The following SLC35D4 variants were observed in gnomAD, a reference collection of about 807,000 sequenced individuals.
SLC35D4 encodes the protein solute carrier family 35 member D4.
At chr18:23,400,404 A>T in the SLC35D4 span, among the ~76,000 whole-genome samples, 1 of 152,158 alleles carries the variant, frequency 6.6e-6, no homozygotes, top group Non-Finnish European at 1.5e-5. Flanking sequence ...CAGGTGGATC[A>T]GTTGAGGTCA....
At chr18:23,359,022 C>A in the SLC35D4 span, among the ~76,000 whole-genome samples, 1 of 152,178 alleles carries the variant, frequency 6.6e-6, no homozygotes, top group South Asian at 2.1e-4. Flanking sequence ...CAGGAGTCTG[C>A]TGCAAAACAA....
the SLC35D4 span, among the ~76,000 whole-genome samples, chr18:23,318,053 T>C: frequency 1.3e-5 from 2 of 152,214 alleles, no homozygotes; most frequent in South Asian, 2.1e-4. Flanking sequence ...TGTTTCATTA[T>C]AGAAAATTTT....
At chr18:23,315,909 A>C in the SLC35D4 span, among the ~76,000 whole-genome samples, 2 of 152,234 alleles carry the variant, frequency 1.3e-5, no homozygotes, top group African/African-American at 4.8e-5. Flanking sequence ...TATTGGAGGA[A>C]GGTATGGGAA....
chr18:23,409,728 C>T, the SLC35D4 span, among the ~76,000 whole-genome samples: 21 of 152,056 alleles, frequency 1.4e-4, no homozygotes, highest in Middle Eastern at 3.4e-3. Flanking sequence ...CTTGTAGTCC[C>T]GGCTACTTGG....
At chr18:23,393,868 C>T in the SLC35D4 span, among the ~76,000 whole-genome samples, 1 of 152,178 alleles carries the variant, frequency 6.6e-6, no homozygotes, top group African/African-American at 2.4e-5. Flanking sequence ...ATCCACCTGC[C>T]TTGGCCTCCC....
At chr18:23,394,079 G>A in the SLC35D4 span, among the ~76,000 whole-genome samples, 1 of 152,202 alleles carries the variant, frequency 6.6e-6, no homozygotes, top group South Asian at 2.1e-4. Flanking sequence ...ATCCAAAAGT[G>A]GAACTGCTGA....
the SLC35D4 span, among the ~76,000 whole-genome samples, chr18:23,417,001 G>A: frequency 1.3e-5 from 2 of 152,148 alleles, no homozygotes; most frequent in Admixed American, 1.3e-4. Flanking sequence ...CAGCACTTTG[G>A]GAGGCTGAGA....
chr18:23,251,561 T>G, the SLC35D4 span, among the ~76,000 whole-genome samples: 1 of 152,058 alleles, frequency 6.6e-6, no homozygotes, highest in African/African-American at 2.4e-5. Flanking sequence ...AGAAAAAAAT[T>G]GTTTAATTCA....
At chr18:23,328,083 C>A in the SLC35D4 span, among the ~76,000 whole-genome samples, 1 of 152,162 alleles carries the variant, frequency 6.6e-6, no homozygotes, top group Non-Finnish European at 1.5e-5. Context: ...TATGACAAAC[C>A]TACAGCCAAT....
chr18:23,350,813 G>A, the SLC35D4 span, among the ~76,000 whole-genome samples: 42 of 152,292 alleles, frequency 2.8e-4, no homozygotes, highest in Non-Finnish European at 8.8e-5. Context: ...GCCTGCTCTG[G>A]TTGAACTATC....
the SLC35D4 span, among the ~76,000 whole-genome samples, chr18:23,386,288 G>A: frequency 6.6e-6 from 1 of 152,104 alleles, no homozygotes; most frequent in African/African-American, 2.4e-5. Flanking sequence ...GGATTATTGG[G>A]TGGGCCCTAA....
chr18:23,337,156 A>G, the SLC35D4 span, among the ~76,000 whole-genome samples: 9 of 149,838 alleles, frequency 6.0e-5, no homozygotes, highest in African/African-American at 2.0e-4. Flanking sequence ...AATGTATCTC[A>G]AAAAATTAGT....
chr18:23,246,866 T>C, the SLC35D4 span, among the ~76,000 whole-genome samples: 10 of 152,252 alleles, frequency 6.6e-5, no homozygotes, highest in South Asian at 1.9e-3. Flanking sequence ...CTAATTTTTG[T>C]ATTTTTAGTA....
the SLC35D4 span, among the ~76,000 whole-genome samples, chr18:23,382,792 C>A: frequency 3.9e-5 from 6 of 152,208 alleles, no homozygotes; most frequent in East Asian, 7.7e-4. Context: ...CAGCTTTGGC[C>A]GTGGGACTGC....
At chr18:23,386,675 G>A in the SLC35D4 span, among the ~76,000 whole-genome samples, 18,333 of 143,106 alleles carry the variant, frequency 0.13, 1,237 homozygotes, top group Middle Eastern at 0.22. Flanking sequence ...GAAATATTTA[G>A]GAGACTGAAC....
the SLC35D4 span, among the ~76,000 whole-genome samples, chr18:23,264,949 C>CT: frequency 1.3e-5 from 2 of 152,186 alleles, no homozygotes; most frequent in African/African-American, 4.8e-5. Flanking sequence ...CCGGCCTACA[C>CT]TTTTAAATAA....
the SLC35D4 span, among the ~76,000 whole-genome samples, chr18:23,249,560 T>C: frequency 0.021 from 3,160 of 152,330 alleles, 112 homozygotes; most frequent in African/African-American, 0.073. Flanking sequence ...CTGCGTCTCC[T>C]GCTTTGTGCT....
the SLC35D4 span, among the ~76,000 whole-genome samples, chr18:23,360,320 TAAG>T: frequency 1.3e-5 from 2 of 152,084 alleles, no homozygotes; most frequent in African/African-American, 4.8e-5. Context: ...CGTGAAAACA[TAAG>T]TCACAAAAAG....
the SLC35D4 span, among the ~76,000 whole-genome samples, chr18:23,382,861 G>A: frequency 1.3e-5 from 2 of 152,196 alleles, no homozygotes; most frequent in Non-Finnish European, 2.9e-5. Context: ...CCTGCCTAAG[G>A]GCTCAGGGGA....
Sources: allele counts gnomAD v4.1 joint callset (sites outside exome capture counted in the v4.1 genomes callset), GRCh38; gene constraint gnomAD v4.1.1; transcripts MANE v1.5; gene names NCBI Gene and HGNC (gene_info 2026-07-23, HGNC 2026-07-21).